ZBTB49: variants seen among roughly 807,000 people sequenced by gnomAD.
ZBTB49 encodes zinc finger and BTB domain-containing protein 49.
A neutral mutation model predicts 57.5 loss-of-function variants in ZBTB49; 43 were observed. That is an observed-to-expected ratio of 0.75 (90% CI 0.59 to 0.97). The LOEUF is 0.97. Among genes scored for constraint, ZBTB49 ranks in the 50% least tolerant of loss-of-function variants. ZBTB49 has a pLI of 0.00. For synonymous variants in ZBTB49, 369 were observed against 362.1 expected (o/e 1.02, Z -0.22); for missense variants, 938 against 947.7 (o/e 0.99, Z 0.13).
rs1721382564 is a variant in ZBTB49 at position 4,320,858 on chromosome 4, T to C, written c.1840T>C (p.Ser614Pro). The change falls in exon 8 of 8, where the codon TCA (serine) becomes CCA (proline). Residue 614 changes from serine (S) to proline (P), a missense_variant. By Grantham distance (74) the Ser-to-Pro change is moderately conservative. This residue lies in a region of ZBTB49 where 835 missense variants were observed against 819.1 expected (regional missense o/e 1.02). Coordinates refer to ENST00000337872, the MANE Select transcript of ZBTB49 (RefSeq NM_145291.4). ...CTCCGACCTCGAGAAATCTCAGAGC[T>C]CAGACTCTTTCTCCCAAGACACGTC... is the stretch of plus-strand genomic sequence containing the variant. ...ETSDLEKSQS[S>P]DSFSQDTSVT... is the part of the protein sequence containing the mutation. 1 of 1,614,102 alleles carries C rather than the reference T, an allele frequency of 6.2e-7. No individual in the cohort carries two copies. Among genetic ancestry groups the C allele is most frequent in the Non-Finnish European group, 8.5e-7 (1 of 1,180,008 alleles).
intron 1 of ZBTB49, 121 bp from the exon 2 acceptor site, chr4:4,299,806 T>A (rs1454687018): frequency 7.3e-5 from 54 of 736,368 alleles, no homozygotes; most frequent in Non-Finnish European, 1.1e-4. Flanking sequence ...TGTGTGTGTG[T>A]GTGTGAGAGA....
chr4:4,320,369 C>G (rs1721356296), intron 7 of ZBTB49, among the ~76,000 whole-genome samples: 1 of 152,114 alleles, frequency 6.6e-6, no homozygotes, highest in African/African-American at 2.4e-5. Flanking sequence ...CTCCTCAGAT[C>G]AGGGTTGTTC....
chr4:4,292,632 CT>C (rs1720000617), intron 1 of ZBTB49, among the ~76,000 whole-genome samples: 1 of 152,156 alleles, frequency 6.6e-6, no homozygotes, highest in Non-Finnish European at 1.5e-5. Context: ...CAAGCCAGTG[CT>C]TTTATGAGTA....
intron 2 of ZBTB49, among the ~76,000 whole-genome samples, chr4:4,301,719 A>T (rs1016267435): frequency 2.6e-5 from 4 of 152,036 alleles, no homozygotes; most frequent in Non-Finnish European, 4.4e-5. Context: ...AATGTATGTA[A>T]TTTTTTATTG....
Position 4,302,644 on chromosome 4 carries a change from G to A in ZBTB49, c.808G>A (p.Glu270Lys), listed in dbSNP as rs769818473. The A allele has an allele frequency of 8.9e-5, 143 of 1,611,080 alleles. No individual in the cohort carries two copies. Among genetic ancestry groups the A allele is most frequent in the Middle Eastern group, 3.3e-4 (2 of 6,048 alleles). ...SHSECILESP[E>K]HLPSNFLAQP... Reference sequence around the variant, plus strand: ...TTCTGAATGCATCCTGGAGTCTCCCGAGCACTTACCTTCCAACTTCCTGGC... The same window carrying A: ...TTCTGAATGCATCCTGGAGTCTCCCAAGCACTTACCTTCCAACTTCCTGGC... The change falls in exon 3 of 8, where the codon GAG becomes AAG. Residue 270 changes from glutamate (E) to lysine (K), a missense_variant. Physicochemically the swap from Glu to Lys is moderately conservative, Grantham distance 56. Around this residue, in one of 3 missense-constraint regions of ZBTB49, gnomAD observed 835 missense variants for 819.1 expected, o/e 1.02. Coordinates refer to ENST00000337872, the MANE Select transcript of ZBTB49 (RefSeq NM_145291.4).
intron 7 of ZBTB49, 88 bp from the exon 8 acceptor site, chr4:4,320,552 A>G (rs1721363905): frequency 1.3e-6 from 2 of 1,526,076 alleles, no homozygotes; most frequent in African/African-American, 2.8e-5. Context: ...AGGAAGAAGG[A>G]TTGTTTGAGG....
chr4:4,293,633 C>CA (rs1720049274), intron 1 of ZBTB49, among the ~76,000 whole-genome samples: 1 of 152,220 alleles, frequency 6.6e-6, no homozygotes, highest in South Asian at 2.1e-4. Context: ...GGTATTCAGG[C>CA]AGGTGTCAGC....
intron 1 of ZBTB49, among the ~76,000 whole-genome samples, chr4:4,291,978 G>C (rs1719958452): frequency 6.6e-6 from 1 of 151,682 alleles, no homozygotes; most frequent in Non-Finnish European, 1.5e-5. Context: ...TCTCTACTAA[G>C]AGTACCAAAA....
intron 4 of ZBTB49, among the ~76,000 whole-genome samples, chr4:4,311,790 A>C (rs1720990104): frequency 6.6e-6 from 1 of 152,226 alleles, no homozygotes; most frequent in Admixed American, 6.5e-5. Flanking sequence ...AGTTTTGTCA[A>C]ACTCTTTCTC....
chr4:4,312,827 G>A (rs1013277728), intron 4 of ZBTB49, among the ~76,000 whole-genome samples: 1 of 152,192 alleles, frequency 6.6e-6, no homozygotes, highest in African/African-American at 2.4e-5. Context: ...GGAGGACGGG[G>A]TGGAGACACA....
At chr4:4,319,729 G>A (rs1309733368) in intron 7 of ZBTB49, among the ~76,000 whole-genome samples, 1 of 152,118 alleles carries the variant, frequency 6.6e-6, no homozygotes, top group Admixed American at 6.5e-5. Flanking sequence ...GCTGTGACAT[G>A]AGAATCGCTT....
intron 2 of ZBTB49, 137 bp from the exon 3 acceptor site, chr4:4,301,852 T>C: frequency 1.1e-6 from 1 of 925,022 alleles, no homozygotes; most frequent in Non-Finnish European, 1.4e-6. Flanking sequence ...TTTTAAAGGA[T>C]TAAAATGTAC....
Position 4,302,573 on chromosome 4 carries a change from C to G in ZBTB49, c.737C>G (p.Ser246Cys). 6.2e-7 allele frequency: 1 copy of G among 1,614,062 alleles called. No homozygotes were observed. The change falls in exon 3 of 8, where the codon TCT becomes TGT. Residue 246 changes from serine (S) to cysteine (C), a missense_variant. Ser to Cys is a moderately radical substitution (Grantham distance 112). This residue lies in a region of ZBTB49 where 835 missense variants were observed against 819.1 expected (regional missense o/e 1.02). Transcript: ENST00000337872. ...GAGCAGCCTTTTGCTTTCAGCACCTCTACAGACCTTACCACGGTAGAGAGC... is the reference window on the plus strand; with the variant it reads ...GAGCAGCCTTTTGCTTTCAGCACCTGTACAGACCTTACCACGGTAGAGAGC... ...VVEQPFAFSTSTDLTTVESQP... is the reference protein window; with the variant it reads ...VVEQPFAFSTCTDLTTVESQP...
chr4:4,294,844 A>G, intron 1 of ZBTB49, among the ~76,000 whole-genome samples: 1 of 144,818 alleles, frequency 6.9e-6, no homozygotes, highest in Admixed American at 6.9e-5. Context: ...TTTTTACCTA[A>G]TTTTAACAGG....
In ZBTB49 at chr4:4,321,369, T is replaced by G; in HGVS notation, c.*53T>G. 11 of 1,578,588 alleles carry G rather than the reference T, an allele frequency of 7.0e-6. No individual in the cohort carries two copies. The highest frequency in any genetic ancestry group is 8.6e-6 in the Non-Finnish European group (10 of 1,166,054). ...GTGTTCTCAGTTTAGCAGGCTGGTG[T>G]TAAGGCTGTAGGAGGACCCAGTTTC... is the stretch of plus-strand genomic sequence containing the variant. On this transcript the variant is annotated 3_prime_UTR_variant, in exon 8 of 8. Transcript: ENST00000337872.
intron 1 of ZBTB49, among the ~76,000 whole-genome samples, chr4:4,297,054 C>A (rs1577230375): frequency 6.6e-6 from 1 of 152,018 alleles, no homozygotes; most frequent in African/African-American, 2.4e-5. Flanking sequence ...ATCGGTTCAA[C>A]CTTCTTTTAT....
Position 4,321,157 on chromosome 4 carries a change from T to C in ZBTB49, c.2139T>C (p.Arg713=). ...AGGCCGATGGCATGGCCATGATCCG[T>C]TCCTCTCTGGCTGCTTTGGACAACC... The part of the protein sequence containing the change: ...PLQADGMAMI[R]SSLAALDNHG... The change falls in exon 8 of 8, where the codon CGT becomes CGC. Residue 713 remains arginine, a synonymous_variant. Transcript: ENST00000337872. 6.2e-7 allele frequency: 1 copy of C among 1,614,124 alleles called. No individual in the cohort carries two copies. Among genetic ancestry groups the C allele is most frequent in the Non-Finnish European group, 8.5e-7 (1 of 1,180,008 alleles).
At chr4:4,309,201 C>A (rs1720869930) in intron 4 of ZBTB49, among the ~76,000 whole-genome samples, 1 of 152,164 alleles carries the variant, frequency 6.6e-6, no homozygotes. Context: ...TAACCGCAGC[C>A]TGCATTATGA....
chr4:4,299,119 G>T (rs1720354220), intron 1 of ZBTB49, among the ~76,000 whole-genome samples: 1 of 152,162 alleles, frequency 6.6e-6, no homozygotes. Context: ...GCCTGGGCAT[G>T]ACCTGACCCT....
Sources: gnomAD v4.1 joint callset for allele counts (sites outside exome capture counted in the v4.1 genomes callset) on GRCh38, gnomAD v4.1.1 for gene constraint, gnomAD v4.1.1 regional missense constraint, MANE v1.5 for transcripts, NCBI Gene and HGNC (gene_info 2026-07-23, HGNC 2026-07-21) for gene names.